Variants in RBFOX1 observed in about 807,000 individuals in gnomAD.
RBFOX1 encodes RNA binding fox-1 homolog 1.
A neutral mutation model predicts 57.7 loss-of-function variants in RBFOX1; 8 were observed. The observed-to-expected ratio is 0.14, with a 90% CI of 0.08 to 0.25. RBFOX1 has a LOEUF of 0.25. RBFOX1 is among the 10% of genes least tolerant of loss of function. RBFOX1 has a pLI of 1.00. For missense variants in RBFOX1, 611 were observed against 548.5 expected, an observed-to-expected ratio of 1.11 and a Z score of -1.14; for synonymous variants, 326 against 222.4, an observed-to-expected ratio of 1.47 and a Z score of -4.15.
chr16:7,106,984 A>ACAC (rs1567282011), intron 4 of RBFOX1, among the ~76,000 whole-genome samples: 1 of 148,514 alleles, frequency 6.7e-6, no homozygotes, highest in African/African-American at 2.5e-5. Flanking sequence ...ACACAGTTAA[A>ACAC]ACACACACAC....
At chr16:7,238,387 A>G (rs1449286848) in intron 4 of RBFOX1, among the ~76,000 whole-genome samples, 1 of 152,176 alleles carries the variant, frequency 6.6e-6, no homozygotes, top group Non-Finnish European at 1.5e-5. Flanking sequence ...TGCTTTCTGC[A>G]CATCTGCCAG....
intron 3 of RBFOX1, among the ~76,000 whole-genome samples, chr16:6,965,423 G>A (rs980518910): frequency 6.6e-6 from 1 of 151,710 alleles, no homozygotes; most frequent in African/African-American, 2.4e-5. Flanking sequence ...GCTTACTGCA[G>A]CCTCCCGGGT....
intron 4 of RBFOX1, among the ~76,000 whole-genome samples, chr16:7,234,016 A>G (rs1449357073): frequency 6.6e-6 from 1 of 152,170 alleles, no homozygotes; most frequent in Admixed American, 6.5e-5. Context: ...TTTCAGCAAA[A>G]CTGAGACAAC....
intron 2 of RBFOX1, among the ~76,000 whole-genome samples, chr16:6,543,382 A>C (rs920299325): frequency 6.6e-6 from 1 of 151,992 alleles, no homozygotes; most frequent in African/African-American, 2.4e-5. Flanking sequence ...GGCTTCTCAA[A>C]GACTTCCACT....
Position 6,744,762 on chromosome 16 carries a change from T to C in RBFOX1, c.-16+90112T>C, listed in dbSNP as rs180852476. Among the ~76,000 whole-genome samples, 135 of 152,198 alleles carry C rather than the reference T, an allele frequency of 8.9e-4. 1 individual carries two copies. The highest frequency in any genetic ancestry group is 3.4e-3 in the Middle Eastern group (1 of 294). On this transcript the variant is annotated intron_variant, in intron 3 of 15. Transcript: ENST00000550418. ...TAGTGAAAAATGGTCTTAAATCACT[T>C]ACTTTATCTTCTGCCTTAGAAAAAT...
At chr16:6,827,803 G>A (rs1019645464) in intron 3 of RBFOX1, among the ~76,000 whole-genome samples, 3 of 152,196 alleles carry the variant, frequency 2.0e-5, no homozygotes, top group Non-Finnish European at 2.9e-5. Flanking sequence ...TCCCAGGTCA[G>A]CTTCGCTTCT....
intron 3 of RBFOX1, among the ~76,000 whole-genome samples, chr16:6,788,840 C>G (rs540595278): frequency 3.3e-5 from 5 of 152,076 alleles, no homozygotes; most frequent in African/African-American, 1.2e-4. Context: ...ATCTTATGTC[C>G]TAAAATGGCA....
intron 4 of RBFOX1, among the ~76,000 whole-genome samples, chr16:7,146,161 C>G (rs1600926004): frequency 6.6e-6 from 1 of 152,186 alleles, no homozygotes; most frequent in Non-Finnish European, 1.5e-5. Flanking sequence ...GTCGTTTACC[C>G]CAGAGCATGA....
chr16:5,742,646 C>G (rs561511889), intron 3 of RBFOX1, among the ~76,000 whole-genome samples: 2 of 152,166 alleles, frequency 1.3e-5, no homozygotes, highest in African/African-American at 4.8e-5. Context: ...GCAATTAATG[C>G]TCAACTAGGC....
chr16:7,469,729 A>G (rs1461781091), intron 4 of RBFOX1, among the ~76,000 whole-genome samples: 2 of 152,134 alleles, frequency 1.3e-5, no homozygotes, highest in Non-Finnish European at 2.9e-5. Flanking sequence ...TTAGTGTACA[A>G]TTCAGTAGCA....
chr16:5,602,519 C>A (rs1251725748), downstream of RBFOX1, among the ~76,000 whole-genome samples: 1 of 152,150 alleles, frequency 6.6e-6, no homozygotes, highest in Non-Finnish European at 1.5e-5. Flanking sequence ...TGGAAAGATG[C>A]ACATGACATA....
chr16:6,179,791 T>A (rs904177900), intron 1 of RBFOX1, among the ~76,000 whole-genome samples: 1 of 152,182 alleles, frequency 6.6e-6, no homozygotes, highest in African/African-American at 2.4e-5. Context: ...TCTTTCATAG[T>A]TTCTGTGGGT....
intron 4 of RBFOX1, among the ~76,000 whole-genome samples, chr16:6,009,563 G>A (rs1230011528): frequency 6.6e-6 from 1 of 152,094 alleles, no homozygotes; most frequent in Non-Finnish European, 1.5e-5. Flanking sequence ...CATAATCAGT[G>A]CTTCAGAGAC....
chr16:6,313,892 C>G (rs2080724606), intron 1 of RBFOX1, among the ~76,000 whole-genome samples: 1 of 152,016 alleles, frequency 6.6e-6, no homozygotes, highest in Non-Finnish European at 1.5e-5. Flanking sequence ...TTCTTGCTGT[C>G]TGGTACCATT....
chr16:6,570,828 A>G (rs755180096), intron 2 of RBFOX1, among the ~76,000 whole-genome samples: 12 of 152,316 alleles, frequency 7.9e-5, no homozygotes, highest in East Asian at 5.8e-4. Flanking sequence ...TAAAGACTCA[A>G]TTAACTTTGA....
intron 3 of RBFOX1, among the ~76,000 whole-genome samples, chr16:6,822,917 C>A (rs559561765): frequency 6.6e-6 from 1 of 152,174 alleles, no homozygotes; most frequent in Non-Finnish European, 1.5e-5. Flanking sequence ...GTGCGTGCTG[C>A]TGCAGCAGAG....
At chr16:5,431,806 C>T (rs77864151) in intron 1 of RBFOX1, among the ~76,000 whole-genome samples, 1 of 152,212 alleles carries the variant, frequency 6.6e-6, no homozygotes, top group Admixed American at 6.5e-5. Flanking sequence ...CTCTAAGTCC[C>T]TCACAACACC....
chr16:5,328,848 GC>G, intron 1 of RBFOX1, among the ~76,000 whole-genome samples: 1 of 152,310 alleles, frequency 6.6e-6, no homozygotes, highest in South Asian at 2.1e-4. Flanking sequence ...AGAACTCATG[GC>G]CCCAGACAGG....
chr16:6,629,183 A>G (rs951868446), intron 2 of RBFOX1, among the ~76,000 whole-genome samples: 1 of 152,240 alleles, frequency 6.6e-6, no homozygotes, highest in Non-Finnish European at 1.5e-5. Context: ...ATGCAGATGT[A>G]GCAGAATTTG....
Sources: gnomAD v4.1 joint callset for allele counts (sites outside exome capture counted in the v4.1 genomes callset) on GRCh38, gnomAD v4.1.1 for gene constraint, MANE v1.5 for transcripts, NCBI Gene and HGNC (gene_info 2026-07-23, HGNC 2026-07-21) for gene names.